The following TNFRSF11A variants were observed in gnomAD, a reference collection of about 807,000 sequenced individuals.
The protein encoded by TNFRSF11A is tumor necrosis factor receptor superfamily member 11A.
Under a neutral mutation model 55.7 loss-of-function variants are expected in TNFRSF11A, and 32 were observed. The observed-to-expected ratio is 0.57, with a 90% confidence interval of 0.43 to 0.77. The LOEUF is 0.77. Ranked by LOEUF, TNFRSF11A falls within the 30% of genes least tolerant of loss-of-function variation. The pLI is 0.00. For synonymous variants in TNFRSF11A, 311 were observed against 331.0 expected, an observed-to-expected ratio of 0.94 and a Z score of 0.65; for missense variants, 753 against 809.8, an observed-to-expected ratio of 0.93 and a Z score of 0.85.
Position 62,368,935 on chromosome 18 carries a change from T to G in TNFRSF11A, c.1018T>G (p.Phe340Val). ...CAAGACCGAGATAGAGGAAGACAGC[T>G]TCAGACAGATGCCCACAGAAGATGA... is the stretch of plus-strand genomic sequence containing the variant. Reference protein sequence around the residue: ...VSKTEIEEDSFRQMPTEDEYM... With the variant: ...VSKTEIEEDSVRQMPTEDEYM... Residue 340 changes from phenylalanine (F) to valine (V), a missense_variant, in exon 9 of 10, where the codon TTC (phenylalanine) becomes GTC (valine). This residue lies in a region of TNFRSF11A where 567 missense variants were observed against 596.7 expected (regional missense o/e 0.95). Coordinates refer to ENST00000586569, the MANE Select transcript of TNFRSF11A (RefSeq NM_003839.4). 1 of 1,614,216 alleles carries G rather than the reference T, an allele frequency of 6.2e-7. No homozygotes were observed. The highest frequency in any genetic ancestry group is 8.5e-7 in the Non-Finnish European group (1 of 1,180,038).
At chr18:62,335,655 T>G (rs2046221870) in intron 1 of TNFRSF11A, among the ~76,000 whole-genome samples, 1 of 152,206 alleles carries the variant, frequency 6.6e-6, no homozygotes, top group Non-Finnish European at 1.5e-5. Flanking sequence ...TGTTCAGTCC[T>G]TATTAGAAAA....
In TNFRSF11A at chr18:62,386,436, T is replaced by C. The variant is rs1454523795; in HGVS notation, c.*1402T>C. On this transcript the variant is annotated 3_prime_UTR_variant, in exon 10 of 10. Coordinates refer to ENST00000586569, the MANE Select transcript of TNFRSF11A (RefSeq NM_003839.4). ...CATGTTGTGAATTTAAGAAAACTTA[T>C]TATCCTAAAGGTGCCTTTCTCTTGG... 3.9e-5 allele frequency: 6 copies of C among 152,224 alleles called. No homozygotes were observed. The highest frequency in any genetic ancestry group is 8.8e-5 in the Non-Finnish European group (6 of 68,038). The allele number at this position is 152,224 out of a possible 1,614,324, so 9.4% of individuals were successfully genotyped here. A position where few individuals can be genotyped will look rare whatever the true frequency, so the allele number is the denominator to read the frequency against.
At chr18:62,343,942 A>G (rs2046347837) in intron 1 of TNFRSF11A, among the ~76,000 whole-genome samples, 1 of 152,240 alleles carries the variant, frequency 6.6e-6, no homozygotes, top group African/African-American at 2.4e-5. Context: ...CTTATTGATT[A>G]AGAACTATAC....
At chr18:62,370,948 G>C (rs1260087862) in intron 9 of TNFRSF11A, among the ~76,000 whole-genome samples, 1 of 151,866 alleles carries the variant, frequency 6.6e-6, no homozygotes, top group Non-Finnish European at 1.5e-5. Flanking sequence ...TCCTGCCTCA[G>C]CCTCCCGAGT....
At chr18:62,351,378 T>C (rs2046469811) in intron 3 of TNFRSF11A, among the ~76,000 whole-genome samples, 1 of 152,244 alleles carries the variant, frequency 6.6e-6, no homozygotes, top group Admixed American at 6.5e-5. Flanking sequence ...CCAATCAGAT[T>C]CTGCTTTGTT....
At chr18:62,355,358 A>C (rs1909181970) in intron 4 of TNFRSF11A, among the ~76,000 whole-genome samples, 1 of 152,038 alleles carries the variant, frequency 6.6e-6, no homozygotes, top group Admixed American at 6.6e-5. Flanking sequence ...GCTCACCGCA[A>C]CCTCTGCCTC....
At position 62,385,255 on chromosome 18, in the gene TNFRSF11A, T is replaced by C; in HGVS notation, c.*221T>C. The C allele has an allele frequency of 2.3e-6, 1 of 444,422 alleles. No individual in the cohort carries two copies. The highest frequency in any genetic ancestry group is 3.8e-6 in the Non-Finnish European group (1 of 261,748). 27.5% of individuals were successfully genotyped at this position (444,422 alleles called of 1,614,324 possible). A position where few individuals can be genotyped will look rare whatever the true frequency, so the allele number is the denominator to read the frequency against. On this transcript the variant is annotated 3_prime_UTR_variant, in exon 10 of 10. Transcript: ENST00000586569. Reference sequence around the variant, plus strand: ...ACGGATGCTCAGCAGCCCGCCGCACTGGGGCAGATGTCTCCCCTGCCACTC... The same window carrying C: ...ACGGATGCTCAGCAGCCCGCCGCACCGGGGCAGATGTCTCCCCTGCCACTC...
Position 62,386,651 on chromosome 18 carries a change from C to T in TNFRSF11A, c.*1617C>T, listed in dbSNP as rs1911757364. The T allele has an allele frequency of 6.6e-6, 1 of 152,270 alleles. No individual in the cohort carries two copies. The highest frequency in any genetic ancestry group is 2.4e-5 in the African/African-American group (1 of 41,482). 9.4% of individuals were successfully genotyped at this position (152,270 alleles called of 1,614,324 possible). On this transcript the variant is annotated 3_prime_UTR_variant, in exon 10 of 10. Coordinates refer to ENST00000586569, the MANE Select transcript of TNFRSF11A (RefSeq NM_003839.4). The stretch of plus-strand genomic sequence containing the variant: ...TAAAAGAAAGCACTAATAGTAGTCA[C>T]TGCCCAGACTTTACTGGCCACAAAT...
chr18:62,339,698 TAA>T (rs2046284419), intron 1 of TNFRSF11A, among the ~76,000 whole-genome samples: 2 of 152,328 alleles, frequency 1.3e-5, no homozygotes, highest in South Asian at 4.1e-4. Context: ...CAGAACTTCG[TAA>T]AGAGATTGAT....
chr18:62,345,764 G>T (rs79245207), intron 1 of TNFRSF11A, among the ~76,000 whole-genome samples: 1 of 152,182 alleles, frequency 6.6e-6, no homozygotes, highest in Non-Finnish European at 1.5e-5. Context: ...AGGGCAAGAG[G>T]CACATTCAGG....
chr18:62,355,354 C>T lies in TNFRSF11A; in HGVS notation c.427+820C>T, dbSNP rs145076541. Among the ~76,000 whole-genome samples, 1,435 of 152,094 alleles carry T rather than the reference C, an allele frequency of 9.4e-3. 31 individuals are homozygous for T. Among genetic ancestry groups the T allele is most frequent in the African/African-American group, 0.032 (1,343 of 41,486 alleles). On this transcript the variant is annotated intron_variant, in intron 4 of 9. Coordinates refer to ENST00000586569, the MANE Select transcript of TNFRSF11A (RefSeq NM_003839.4). ...GTGCAATGGCACAATCTCGGCTCAC[C>T]GCAACCTCTGCCTCCCAGGTTCAAG...
chr18:62,363,032 T>C (rs763914607), intron 7 of TNFRSF11A, among the ~76,000 whole-genome samples: 6 of 151,760 alleles, frequency 4.0e-5, no homozygotes, highest in Non-Finnish European at 7.4e-5. Flanking sequence ...TTAGTAGAAA[T>C]GGGGTTTGAC....
chr18:62,327,634 G>A (rs548850647), intron 1 of TNFRSF11A, among the ~76,000 whole-genome samples: 58 of 152,318 alleles, frequency 3.8e-4, no homozygotes, highest in African/African-American at 1.4e-3. Flanking sequence ...GTTCATTGAA[G>A]ATGTTAATGA....
In TNFRSF11A at chr18:62,358,158, C is replaced by G. The variant is rs528928312; in HGVS notation, c.428-90C>G. 5.5e-6 allele frequency: 7 copies of G among 1,272,260 alleles called. No homozygotes were observed. In the African/African-American group the frequency reaches 1.0e-4, roughly 19 times the overall value. The allele number at this position is 1,272,260 out of a possible 1,614,324, so 78.8% of individuals were successfully genotyped here. ...GAGGGGCAGCGCCTCACCTCCAGTCCTCTGGAGTCCCAGCCTGGATGATCT... is the reference window on the plus strand; with the variant it reads ...GAGGGGCAGCGCCTCACCTCCAGTCGTCTGGAGTCCCAGCCTGGATGATCT... On this transcript the variant is annotated intron_variant, in intron 4 of 9. Coordinates refer to ENST00000586569, the MANE Select transcript of TNFRSF11A (RefSeq NM_003839.4).
At chr18:62,361,608 C>T (rs561759882) in intron 6 of TNFRSF11A, 72 bp from the exon 7 acceptor site, 106 of 1,406,618 alleles carry the variant, frequency 7.5e-5, no homozygotes, top group African/African-American at 7.5e-4. Context: ...TTTGATTTAC[C>T]GGGATTTGTT....
intron 7 of TNFRSF11A, 57 bp downstream of exon 7, chr18:62,361,850 A>G: frequency 2.0e-6 from 3 of 1,470,762 alleles, no homozygotes; most frequent in Non-Finnish European, 2.9e-6. Flanking sequence ...TTTCTAGGTA[A>G]ATGCTTTGGA....
intron 9 of TNFRSF11A, among the ~76,000 whole-genome samples, chr18:62,376,588 C>T (rs1910914590): frequency 6.6e-6 from 1 of 152,128 alleles, no homozygotes; most frequent in Admixed American, 6.5e-5. Flanking sequence ...ATTTGCTGCA[C>T]TTGACGAGCG....
At chr18:62,381,281 G>A (rs974530122) in intron 9 of TNFRSF11A, among the ~76,000 whole-genome samples, 3 of 152,156 alleles carry the variant, frequency 2.0e-5, no homozygotes, top group African/African-American at 7.2e-5. Context: ...TGGAGCAATG[G>A]CATGGAATGA....
At chr18:62,365,957 A>C (rs1328500667) in intron 7 of TNFRSF11A, among the ~76,000 whole-genome samples, 1 of 152,142 alleles carries the variant, frequency 6.6e-6, no homozygotes, top group East Asian at 1.9e-4. Flanking sequence ...AGCTGGGATT[A>C]CAGGACATTG....
Sources: allele counts gnomAD v4.1 joint callset (sites outside exome capture counted in the v4.1 genomes callset), GRCh38; gene constraint gnomAD v4.1.1; regional missense constraint gnomAD v4.1.1; transcripts MANE v1.5; gene names NCBI Gene and HGNC (gene_info 2026-07-23, HGNC 2026-07-21).